MED13L: variants seen among roughly 807,000 people sequenced by gnomAD.
MED13L encodes the protein mediator complex subunit 13L.
MED13L carries 7 observed loss-of-function variants against 220.9 expected under a neutral mutation model. That is an observed-to-expected ratio of 0.03 (90% CI 0.02 to 0.06). MED13L has a LOEUF of 0.06. Among genes scored for constraint, MED13L ranks in the 10% least tolerant of loss-of-function variants. The probability of loss-of-function intolerance (pLI) is 1.00; values close to 1 mark genes in which losing one functional copy is unlikely to be tolerated. For missense variants in MED13L, 1,965 were observed against 2,760.5 expected, an observed-to-expected ratio of 0.71 and a Z score of 6.46; for synonymous variants, 1,011 against 1,015.2, an observed-to-expected ratio of 1.00 and a Z score of 0.08.
Position 115,984,275 on chromosome 12 carries a change from A to G in MED13L, c.4436T>C (p.Leu1479Pro). 6.2e-7 allele frequency: 1 copy of G among 1,614,056 alleles called. No homozygotes were observed. Among genetic ancestry groups the G allele is most frequent in the Non-Finnish European group, 8.5e-7 (1 of 1,179,990 alleles). ...KTVAQKLTDELVSEWFNQPWS... is the reference protein window; with the variant it reads ...KTVAQKLTDEPVSEWFNQPWS... Reference sequence around the variant, plus strand: ...AGGCTGGTTAAACCACTCACTCACAAGCTCATCTGTCAGCTTCTGTGCCAC... The same window carrying G: ...AGGCTGGTTAAACCACTCACTCACAGGCTCATCTGTCAGCTTCTGTGCCAC... The change falls in exon 20 of 31, where the codon CTT becomes CCT. Residue 1479 changes from leucine to proline, a missense_variant. By Grantham distance (98) the Leu-to-Pro change is moderately conservative. Transcript: ENST00000281928.
intron 2 of MED13L, among the ~76,000 whole-genome samples, chr12:116,214,136 C>T (rs1882867659): frequency 6.6e-6 from 1 of 152,178 alleles, no homozygotes; most frequent in South Asian, 2.1e-4. Flanking sequence ...TTTGCTTTCA[C>T]TTAAAACAAA....
At chr12:116,147,518 T>C (rs1877625720) in intron 2 of MED13L, among the ~76,000 whole-genome samples, 4 of 152,188 alleles carry the variant, frequency 2.6e-5, no homozygotes, top group Non-Finnish European at 5.9e-5. Context: ...GTAAAAAGTA[T>C]GGTGAAATAT....
intron 2 of MED13L, among the ~76,000 whole-genome samples, chr12:116,124,481 T>C (rs1238513476): frequency 6.6e-6 from 1 of 152,182 alleles, no homozygotes; most frequent in Non-Finnish European, 1.5e-5. Flanking sequence ...TTTTTTCCAT[T>C]ATCTTACAAC....
rs1566020654 is a variant in MED13L, at chr12:116,031,730, G to GAA, written c.480-9131_480-9130dup. 2.3e-4 allele frequency among the ~76,000 whole-genome samples: 15 copies of GAA among 65,406 alleles called. 1 individual carries two copies. The highest frequency in any genetic ancestry group is 1.0e-3 in the African/African-American group (13 of 12,664). 42.9% of individuals were successfully genotyped at this position (65,406 alleles called of 152,430 possible). A position where few individuals can be genotyped will look rare whatever the true frequency, so the allele number is the denominator to read the frequency against. The stretch of plus-strand genomic sequence containing the variant: ...GAAAAGAAAAGAAAAGAAAAGAAAA[G>GAA]AAAAGAAAAGAAAAGAAAAGAAAAG... On this transcript the variant is annotated intron_variant, in intron 4 of 30. Coordinates refer to ENST00000281928, the MANE Select transcript of MED13L (RefSeq NM_015335.5).
intron 2 of MED13L, among the ~76,000 whole-genome samples, chr12:116,209,259 C>T (rs574349883): frequency 6.6e-6 from 1 of 152,208 alleles, no homozygotes; most frequent in East Asian, 1.9e-4. Flanking sequence ...ATTATAGAGA[C>T]AGCTAGCTAT....
intron 1 of MED13L, among the ~76,000 whole-genome samples, chr12:116,272,520 C>G (rs999450103): frequency 2.0e-5 from 3 of 151,946 alleles, no homozygotes. Flanking sequence ...CAAGACTTCA[C>G]CAGCCTGGGT....
chr12:116,147,674 T>C (rs1389307998), intron 2 of MED13L, among the ~76,000 whole-genome samples: 1 of 152,162 alleles, frequency 6.6e-6, no homozygotes, highest in Non-Finnish European at 1.5e-5. Flanking sequence ...TCAAAGAACC[T>C]ATCTGTAATA....
intron 4 of MED13L, among the ~76,000 whole-genome samples, chr12:116,038,229 T>A (rs943512250): frequency 6.6e-6 from 1 of 151,804 alleles, no homozygotes; most frequent in Non-Finnish European, 1.5e-5. Context: ...ACTTTAAAGA[T>A]AGGGACAAGC....
chr12:116,086,611 C>T (rs1871716348), intron 4 of MED13L, among the ~76,000 whole-genome samples: 1 of 152,034 alleles, frequency 6.6e-6, no homozygotes, highest in Admixed American at 6.6e-5. Context: ...AAATATCAAG[C>T]TATTATACTT....
chr12:116,261,608 C>G (rs773832330), intron 1 of MED13L, among the ~76,000 whole-genome samples: 4 of 151,954 alleles, frequency 2.6e-5, no homozygotes, highest in African/African-American at 7.3e-5. Flanking sequence ...GGTTTAAAAG[C>G]AAGAACCCAG....
chr12:116,124,861 G>A (rs771701177), intron 2 of MED13L, among the ~76,000 whole-genome samples: 6 of 152,190 alleles, frequency 3.9e-5, no homozygotes, highest in Non-Finnish European at 5.9e-5. Flanking sequence ...TTACACATGT[G>A]TGTTGCTGGG....
rs749639969 is a variant in MED13L, at chr12:115,984,384, G to T, written c.4339-12C>A. 1 of 1,613,702 alleles carries T rather than the reference G, an allele frequency of 6.2e-7. No homozygotes were observed. The highest frequency in any genetic ancestry group is 8.5e-7 in the Non-Finnish European group (1 of 1,179,848). ...CCAAGCCTACACATCTGATATCATA[G>T]ACAAGATCATTAGTTATAACAGGAG... On this transcript the variant is annotated splice_polypyrimidine_tract_variant and intron_variant, in intron 19 of 30. Coordinates refer to ENST00000281928, the MANE Select transcript of MED13L (RefSeq NM_015335.5).
At position 116,128,573 on chromosome 12, in the gene MED13L, T is replaced by C. The variant is rs574908430; in HGVS notation, c.311-17061A>G. The stretch of plus-strand genomic sequence containing the variant: ...TCAGGCAACTTTAACTTATAAAACT[T>C]CTATCCCAATAAGAAACATTTAGAA... On this transcript the variant is annotated intron_variant, in intron 2 of 30. Transcript: ENST00000281928. Among the ~76,000 whole-genome samples, 14 of 152,312 alleles carry C rather than the reference T, an allele frequency of 9.2e-5. No individual in the cohort carries two copies. The East Asian group carries it at 2.7e-3, about 29-fold the overall frequency.
At chr12:116,187,349 C>T (rs1415871974) in intron 2 of MED13L, among the ~76,000 whole-genome samples, 1 of 152,178 alleles carries the variant, frequency 6.6e-6, no homozygotes. Context: ...CCCTACCTCA[C>T]AGTAATGATA....
chr12:116,187,152 T>C lies in MED13L; in HGVS notation c.310+50316A>G, dbSNP rs991800760. Among the ~76,000 whole-genome samples the C allele has an allele frequency of 5.9e-5, 9 of 152,308 alleles. No homozygotes were observed. The East Asian group carries it at 7.7e-4, about 13-fold the overall frequency. Reference sequence around the variant, plus strand: ...AGGCTATTACCTATAAAGTGAAATTTTGCATTTTATCATAGCTATAATGTG... The same window carrying C: ...AGGCTATTACCTATAAAGTGAAATTCTGCATTTTATCATAGCTATAATGTG... On this transcript the variant is annotated intron_variant, in intron 2 of 30. Transcript: ENST00000281928.
chr12:116,132,176 G>A (rs889985056), intron 2 of MED13L, among the ~76,000 whole-genome samples: 1 of 151,172 alleles, frequency 6.6e-6, no homozygotes, highest in East Asian at 2.0e-4. Flanking sequence ...AGCTACTCAG[G>A]AGGCTCAGGT....
chr12:116,263,457 T>G (rs929517368), intron 1 of MED13L, among the ~76,000 whole-genome samples: 1 of 152,188 alleles, frequency 6.6e-6, no homozygotes. Context: ...AAGGGTCGTC[T>G]GCACCTCCTC....
At chr12:116,276,746 G>A in intron 1 of MED13L, 3 of 1,285,376 alleles carry the variant, frequency 2.3e-6, no homozygotes, top group Non-Finnish European at 3.0e-6. Context: ...GAGGAGAAGG[G>A]GAGTGCGATT....
intron 2 of MED13L, among the ~76,000 whole-genome samples, chr12:116,161,060 T>A (rs192726063): frequency 2.0e-5 from 3 of 152,236 alleles, no homozygotes; most frequent in Admixed American, 1.3e-4. Flanking sequence ...GGGACTTCAT[T>A]TTACATCATC....
Sources: gnomAD v4.1 joint callset for allele counts (sites outside exome capture counted in the v4.1 genomes callset) on GRCh38, gnomAD v4.1.1 for gene constraint, MANE v1.5 for transcripts, NCBI Gene and HGNC (gene_info 2026-07-23, HGNC 2026-07-21) for gene names.